Variants in SPEG observed in about 807,000 individuals in gnomAD.
SPEG encodes striated muscle preferentially expressed protein kinase.
SPEG carries 114 observed loss-of-function variants against 300.4 expected under a neutral mutation model. That is an observed-to-expected ratio of 0.38 (90% CI 0.33 to 0.44). The LOEUF (loss-of-function observed/expected upper bound fraction) is 0.44, where lower values mean the gene tolerates loss of function less well. Ranked by LOEUF, SPEG falls within the 20% of genes least tolerant of loss-of-function variation. The pLI is 1.00. For synonymous variants in SPEG, 1,964 were observed against 2,018.9 expected, an observed-to-expected ratio of 0.97 and a Z score of 0.73; for missense variants, 4,201 against 4,586.2, an observed-to-expected ratio of 0.92 and a Z score of 2.43.
Position 219,481,767 on chromosome 2 carries a change from T to G in SPEG, c.5565+87T>G, listed in dbSNP as rs1452500515. The G allele has an allele frequency of 1.1e-5, 13 of 1,193,344 alleles. No homozygotes were observed. The Admixed American group carries it at 2.1e-4, about 19-fold the overall frequency. The allele number at this position is 1,193,344 out of a possible 1,614,324, so 73.9% of individuals were successfully genotyped here. ...CTCTATTTATTGAGTACCTACTGTG[T>G]GCAGTAACCACGTTAGGCATTGTAT... On this transcript the variant is annotated intron_variant, in intron 28 of 40. Transcript: ENST00000312358. This position sits in a 1 kb window ranked among gnomAD's most constrained non-coding sequence, Gnocchi z 5.4.
At position 219,479,738 on chromosome 2, in the gene SPEG, T is replaced by TA. The variant is rs1217844964; in HGVS notation, c.5086-44dup. 1 of 1,586,106 alleles carries TA rather than the reference T, an allele frequency of 6.3e-7. No individual in the cohort carries two copies. The highest frequency in any genetic ancestry group is 2.2e-5 in the East Asian group (1 of 44,748). On this transcript the variant is annotated intron_variant, in intron 23 of 40. Coordinates refer to ENST00000312358, the MANE Select transcript of SPEG (RefSeq NM_005876.5). This position sits in a 1 kb window ranked among gnomAD's most constrained non-coding sequence, Gnocchi z 5.5. Reference sequence around the variant, plus strand: ...TTGCCGCCCTGGAGGTGTTCAGACATACACCACCCTTCCCCCTCAGACTCT... The same window carrying TA: ...TTGCCGCCCTGGAGGTGTTCAGACATAACACCACCCTTCCCCCTCAGACTCT...
rs765037037 is a variant in SPEG, at chr2:219,472,936, G to A, written c.3987G>A (p.Ser1329=). 37 of 1,613,348 alleles carry A rather than the reference G, an allele frequency of 2.3e-5. No individual in the cohort carries two copies. The highest frequency in any genetic ancestry group is 9.9e-5 in the South Asian group (9 of 91,038). The change falls in exon 16 of 41, where the codon TCG becomes TCA. Residue 1329 remains serine (S), a synonymous_variant. Transcript: ENST00000312358. ...TYTVQHQVLG[S]DQWTALVTGL... ...CAGTGCAGCACCAGGTGCTGGGCTCGGACCAGTGGACGGCACTGGTCACAG... is the reference window on the plus strand; with the variant it reads ...CAGTGCAGCACCAGGTGCTGGGCTCAGACCAGTGGACGGCACTGGTCACAG...
intron 18 of SPEG, among the ~76,000 whole-genome samples, chr2:219,476,434 C>CA (rs1254309464): frequency 6.6e-6 from 1 of 152,172 alleles, no homozygotes; most frequent in Admixed American, 6.5e-5. Flanking sequence ...GAAGGGCGGC[C>CA]ACCCACAGGG....
intron 9 of SPEG, chr2:219,465,838 T>C (rs977507984): frequency 1.3e-5 from 8 of 611,096 alleles, no homozygotes; most frequent in South Asian, 9.2e-5. Flanking sequence ...TGCGTGCGTG[T>C]ATGTGCATGC....
intron 10 of SPEG, 71 bp downstream of exon 10, chr2:219,467,505 A>T (rs1691480908): frequency 6.6e-7 from 1 of 1,515,390 alleles, no homozygotes; most frequent in Non-Finnish European, 8.9e-7. Flanking sequence ...GGGGGTGTAC[A>T]GTAAGATGCC....
intron 38 of SPEG, 111 bp from the exon 39 acceptor site, chr2:219,491,683 T>C (rs1385136079): frequency 1.2e-6 from 1 of 824,988 alleles, no homozygotes; most frequent in African/African-American, 1.7e-5. Flanking sequence ...GACATTCCCA[T>C]GGTCTGGTGA....
In SPEG at chr2:219,449,010, C is replaced by A; in HGVS notation, c.1852C>A (p.Pro618Thr). The A allele has an allele frequency of 6.8e-7, 1 of 1,476,714 alleles. No homozygotes were observed. The highest frequency in any genetic ancestry group is 9.0e-7 in the Non-Finnish European group (1 of 1,116,522). The allele number at this position is 1,476,714 out of a possible 1,614,324, so 91.5% of individuals were successfully genotyped here. The change falls in exon 4 of 41, where the codon CCC becomes ACC. Residue 618 changes from proline to threonine, a missense_variant. Around this residue, in one of 4 missense-constraint regions of SPEG, gnomAD observed 1,258 missense variants for 1,293.9 expected, o/e 0.97. Coordinates refer to ENST00000312358, the MANE Select transcript of SPEG (RefSeq NM_005876.5). ...CCCTGTGCCGCCCCCCGCCGCCGAT[C>A]CCCCAGAGGCCAGGACGAAAGCACC... is the stretch of plus-strand genomic sequence containing the variant. ...RSPVPPPAAD[P>T]PEARTKAPPG... is the part of the protein sequence containing the mutation.
chr2:219,485,884 C>T (rs532569094), intron 31 of SPEG, among the ~76,000 whole-genome samples: 1 of 152,256 alleles, frequency 6.6e-6, no homozygotes, highest in Admixed American at 6.5e-5. Context: ...GGCTGGCCTC[C>T]TCTCTCCTGG....
chr2:219,448,907 G>A lies in SPEG; in HGVS notation c.1749G>A (p.Gly583=), dbSNP rs781656037. 2.5e-5 allele frequency: 36 copies of A among 1,460,198 alleles called. No individual in the cohort carries two copies. Among genetic ancestry groups the A allele is most frequent in the Middle Eastern group, 3.9e-4 (2 of 5,180 alleles). 90.5% of individuals were successfully genotyped at this position (1,460,198 alleles called of 1,614,324 possible). The change falls in exon 4 of 41, where the codon GGG becomes GGA. Residue 583 remains glycine, a synonymous_variant. Coordinates refer to ENST00000312358, the MANE Select transcript of SPEG (RefSeq NM_005876.5). The part of the protein sequence containing the change: ...SRGPAGRTEP[G]EGPQQEVRRR... ...GGCCGGCGGGCAGGACAGAGCCGGGGGAAGGCCCGCAGCAGGAGGTTAGGC... is the reference window on the plus strand; with the variant it reads ...GGCCGGCGGGCAGGACAGAGCCGGGAGAAGGCCCGCAGCAGGAGGTTAGGC...
chr2:219,491,708 T>TG, intron 38 of SPEG, 86 bp from the exon 39 acceptor site: 1 of 1,029,612 alleles, frequency 9.7e-7, no homozygotes, highest in Admixed American at 1.9e-5. Flanking sequence ...GACATTGTCC[T>TG]GCTGCTCAAG....
chr2:219,461,831 C>T (rs1690727313), intron 6 of SPEG, 51 bp from the exon 7 acceptor site: 1 of 1,577,050 alleles, frequency 6.3e-7, no homozygotes, highest in Non-Finnish European at 8.7e-7. Context: ...CCAGCTCTCC[C>T]AGGCTCTCTG....
Position 219,484,078 on chromosome 2 carries a change from C to T in SPEG, c.6615C>T (p.Pro2205=), listed in dbSNP as rs1325014096. 2 of 1,613,738 alleles carry T rather than the reference C, an allele frequency of 1.2e-6. No individual in the cohort carries two copies. The highest frequency in any genetic ancestry group is 8.5e-7 in the Non-Finnish European group (1 of 1,179,958). ...CCACACCTAGTGATGCTCCGCAGCC[C>T]CCCGCACCCCAGCCTGCCCAAGACA... The part of the protein sequence containing the change: ...SATTPSDAPQ[P]PAPQPAQDKA... Residue 2205 remains proline (P), a synonymous_variant, in exon 30 of 41, where the codon CCC becomes CCT. Transcript: ENST00000312358.
At chr2:219,465,916 TGTGTGTGCGC>T in intron 9 of SPEG, 1 of 701,882 alleles carries the variant, frequency 1.4e-6, no homozygotes, top group Non-Finnish European at 2.4e-6. Flanking sequence ...TGCATGCGTG[TGTGTGTGCGC>T]GCGTGTGCGT....
Position 219,492,063 on chromosome 2 carries a change from T to C in SPEG, c.9462-48T>C, listed in dbSNP as rs1270451642. Reference sequence around the variant, plus strand: ...ACACTAATGTCCTTCTGGGTCTGGGTGTTGGCCTCCGGTCTGCATACGTCA... The same window carrying C: ...ACACTAATGTCCTTCTGGGTCTGGGCGTTGGCCTCCGGTCTGCATACGTCA... On this transcript the variant is annotated intron_variant, in intron 39 of 40. Coordinates refer to ENST00000312358, the MANE Select transcript of SPEG (RefSeq NM_005876.5). 5 of 1,576,074 alleles carry C rather than the reference T, an allele frequency of 3.2e-6. No individual in the cohort carries two copies. The Admixed American group carries it at 8.6e-5, about 27-fold the overall frequency.
Position 219,448,162 on chromosome 2 carries a change from C to T in SPEG, c.1004C>T (p.Pro335Leu). ...PAQPAATPTS[P>L]HRRTQEPVLP... Reference sequence around the variant, plus strand: ...CAGCCCGCGGCCACCCCCACGTCGCCCCACCGTCGCACTCAGGAGCCTGTG... The same window carrying T: ...CAGCCCGCGGCCACCCCCACGTCGCTCCACCGTCGCACTCAGGAGCCTGTG... Residue 335 changes from proline (P) to leucine (L), a missense_variant, in exon 4 of 41, where the codon CCC becomes CTC. This residue lies in a region of SPEG where 1,258 missense variants were observed against 1,293.9 expected (regional missense o/e 0.97). Coordinates refer to ENST00000312358, the MANE Select transcript of SPEG (RefSeq NM_005876.5). 1.2e-6 allele frequency: 2 copies of T among 1,610,996 alleles called. No individual in the cohort carries two copies. The highest frequency in any genetic ancestry group is 1.7e-6 in the Non-Finnish European group (2 of 1,178,880).
chr2:219,454,069 C>T (rs372935182), intron 6 of SPEG, among the ~76,000 whole-genome samples: 1 of 152,214 alleles, frequency 6.6e-6, no homozygotes, highest in African/African-American at 2.4e-5. Flanking sequence ...TCCCCTCCCC[C>T]TCTTGCTCTT....
In SPEG at chr2:219,458,169, A is replaced by T. The variant is rs1690340355; in HGVS notation, c.2441-3713A>T. The stretch of plus-strand genomic sequence containing the variant: ...GGGGCTGTGTGGACTGCAGAGCTGT[A>T]TGTGAGGTGGCAGTGAGTAGGCAGA... On this transcript the variant is annotated intron_variant, in intron 6 of 40. Transcript: ENST00000312358. The surrounding 1 kb of genome is among the most constrained non-coding windows in gnomAD (Gnocchi z 4.2). Among the ~76,000 whole-genome samples the T allele has an allele frequency of 6.6e-6, 1 of 152,106 alleles. No individual in the cohort carries two copies. Among genetic ancestry groups the T allele is most frequent in the African/African-American group, 2.4e-5 (1 of 41,428 alleles).
At position 219,444,199 on chromosome 2, in the gene SPEG, C is replaced by T. The variant is rs1187816443; in HGVS notation, c.389-454C>T. ...AGGACAGGCTGGCCCCGCGGTTGGTCGAGTGCCCTGGCAGTACGACTCTGA... is the reference window on the plus strand; with the variant it reads ...AGGACAGGCTGGCCCCGCGGTTGGTTGAGTGCCCTGGCAGTACGACTCTGA... On this transcript the variant is annotated intron_variant, in intron 1 of 40. Transcript: ENST00000312358. The surrounding 1 kb of genome is among the most constrained non-coding windows in gnomAD (Gnocchi z 7.8). 13 of 543,514 alleles carry T rather than the reference C, an allele frequency of 2.4e-5. 1 individual carries two copies. The highest frequency in any genetic ancestry group is 1.4e-4 in the South Asian group (9 of 65,134). The allele number at this position is 543,514 out of a possible 1,614,324, so 33.7% of individuals were successfully genotyped here.
chr2:219,437,193 GT>G (rs1241596706), intron 1 of SPEG: 6 of 152,316 alleles, frequency 3.9e-5, no homozygotes, highest in African/African-American at 1.4e-4. Flanking sequence ...TCCTCAAGAA[GT>G]TCTGGAGAGA....
Sources: gnomAD v4.1 joint callset for allele counts (sites outside exome capture counted in the v4.1 genomes callset) on GRCh38, gnomAD v4.1.1 for gene constraint, gnomAD v4.1.1 regional missense constraint, Gnocchi (gnomAD v3.1) non-coding constraint, MANE v1.5 for transcripts, NCBI Gene and HGNC (gene_info 2026-07-23, HGNC 2026-07-21) for gene names.